MAP2K1: variants seen among roughly 807,000 people sequenced by gnomAD.
The protein encoded by MAP2K1 is mitogen-activated protein kinase kinase 1, also known as dual specificity mitogen-activated protein kinase kinase 1.
In MAP2K1, 16 loss-of-function variants were observed where a neutral mutation model predicts 46.3. The ratio of observed to expected loss-of-function variants is 0.35; its 90% confidence interval spans 0.23 to 0.52. The LOEUF (loss-of-function observed/expected upper bound fraction) is 0.52, where lower values mean the gene tolerates loss of function less well. MAP2K1 is among the 20% of genes least tolerant of loss of function. The pLI is 0.94. For synonymous variants in MAP2K1, 183 were observed against 185.6 expected (o/e 0.99, Z 0.11); for missense variants, 263 against 497.1 (o/e 0.53, Z 4.48).
intron 5 of MAP2K1, among the ~76,000 whole-genome samples, chr15:66,477,652 C>T (rs985934274): frequency 2.0e-5 from 3 of 152,190 alleles, no homozygotes; most frequent in African/African-American, 7.2e-5. Context: ...TCTCACTAGC[C>T]AGTGCTGCTC....
chr15:66,443,192 T>G (rs1321173132), intron 3 of MAP2K1, 88 bp from the exon 4 acceptor site: 8 of 781,510 alleles, frequency 1.0e-5, no homozygotes, highest in East Asian at 3.2e-5. Context: ...GTTCATGCCA[T>G]TCTCCTGCCT....
At chr15:66,443,232 G>A (rs1171819259) in intron 3 of MAP2K1, 48 bp from the exon 4 acceptor site, 14 of 1,228,230 alleles carry the variant, frequency 1.1e-5, no homozygotes, top group Non-Finnish European at 1.7e-5. Context: ...TCACTTGAAA[G>A]AATAGTTAGA....
At chr15:66,461,829 C>T (rs1433665616) in intron 5 of MAP2K1, among the ~76,000 whole-genome samples, 2 of 152,116 alleles carry the variant, frequency 1.3e-5, no homozygotes, top group African/African-American at 2.4e-5. Context: ...TCCTTCTAGC[C>T]TGGCTGTTGG....
At chr15:66,404,142 C>G (rs1264586203) in intron 1 of MAP2K1, among the ~76,000 whole-genome samples, 1 of 152,164 alleles carries the variant, frequency 6.6e-6, no homozygotes, top group Non-Finnish European at 1.5e-5. Flanking sequence ...TTTGCGTCCA[C>G]TGATAAAACT....
chr15:66,449,276 T>A (rs1051352947), intron 5 of MAP2K1, among the ~76,000 whole-genome samples: 4 of 152,208 alleles, frequency 2.6e-5, no homozygotes, highest in African/African-American at 9.6e-5. Context: ...ATTCAAACAA[T>A]GGAGTACAAC....
chr15:66,440,514 T>C (rs1371177754), intron 3 of MAP2K1, among the ~76,000 whole-genome samples: 1 of 152,218 alleles, frequency 6.6e-6, no homozygotes, highest in African/African-American at 2.4e-5. Context: ...CCAGTCTGAA[T>C]TTTGAGACCC....
chr15:66,463,775 C>G (rs1008482689), intron 5 of MAP2K1, among the ~76,000 whole-genome samples: 2 of 152,178 alleles, frequency 1.3e-5, no homozygotes, highest in Admixed American at 1.3e-4. Flanking sequence ...TGAGCCACCA[C>G]GCCTGGCCAG....
intron 1 of MAP2K1, among the ~76,000 whole-genome samples, chr15:66,420,765 GTGTA>G (rs1567003033): frequency 0.021 from 705 of 34,032 alleles, 127 homozygotes; most frequent in East Asian, 0.14. Flanking sequence ...GTGTGTATGT[GTGTA>G]TATATATGTG....
chr15:66,460,785 G>T (rs1885043682), intron 5 of MAP2K1, among the ~76,000 whole-genome samples: 1 of 152,122 alleles, frequency 6.6e-6, no homozygotes, highest in Non-Finnish European at 1.5e-5. Flanking sequence ...TCTGAGTTAG[G>T]ATAGTGGCAG....
At chr15:66,388,496 T>C (rs2093348414) in intron 1 of MAP2K1, among the ~76,000 whole-genome samples, 1 of 152,226 alleles carries the variant, frequency 6.6e-6, no homozygotes, top group Admixed American at 6.5e-5. Context: ...GACCTTATGC[T>C]CTTTGGTGAT....
intron 5 of MAP2K1, among the ~76,000 whole-genome samples, chr15:66,472,121 G>T (rs1443421702): frequency 6.7e-6 from 1 of 148,368 alleles, no homozygotes; most frequent in East Asian, 2.0e-4. Context: ...TGGCCAACAT[G>T]GCGAAACCCC....
At chr15:66,457,380 A>T (rs1019225581) in intron 5 of MAP2K1, among the ~76,000 whole-genome samples, 1 of 152,180 alleles carries the variant, frequency 6.6e-6, no homozygotes, top group African/African-American at 2.4e-5. Context: ...TTGGCTTCCC[A>T]AAGTGCTGGG....
chr15:66,392,560 T>TC (rs929525725), intron 1 of MAP2K1, among the ~76,000 whole-genome samples: 7 of 150,224 alleles, frequency 4.7e-5, no homozygotes, highest in Non-Finnish European at 1.0e-4. Context: ...TTTTCTTTTT[T>TC]TTTTTTTTTT....
intron 5 of MAP2K1, among the ~76,000 whole-genome samples, chr15:66,448,993 G>A (rs1417824822): frequency 1.0e-5 from 1 of 96,274 alleles, no homozygotes; most frequent in African/African-American, 4.2e-5. Context: ...AACAGTGTGA[G>A]ACACTGTCTC....
chr15:66,471,492 A>G (rs542187506), intron 5 of MAP2K1, among the ~76,000 whole-genome samples: 1 of 152,244 alleles, frequency 6.6e-6, no homozygotes, highest in South Asian at 2.1e-4. Context: ...TAGGATTCAA[A>G]CCCAGATCTG....
intron 5 of MAP2K1, among the ~76,000 whole-genome samples, chr15:66,452,375 A>G (rs1193805503): frequency 6.6e-6 from 1 of 150,952 alleles, no homozygotes; most frequent in African/African-American, 2.4e-5. Flanking sequence ...TCTTCTTTCT[A>G]CTGACAAGAA....
intron 1 of MAP2K1, among the ~76,000 whole-genome samples, chr15:66,420,104 C>T (rs2093434148): frequency 6.6e-6 from 1 of 151,778 alleles, no homozygotes; most frequent in South Asian, 2.1e-4. Context: ...ATTAGCTGGG[C>T]ATGGTGGTGG....
intron 1 of MAP2K1, among the ~76,000 whole-genome samples, chr15:66,389,596 T>G (rs376808983): frequency 3.4e-5 from 4 of 119,300 alleles, no homozygotes; most frequent in Non-Finnish European, 5.4e-5. Context: ...TTTTTTTTTT[T>G]GACAGTCTCG....
chr15:66,455,885 T>A (rs1270957016), intron 5 of MAP2K1, among the ~76,000 whole-genome samples: 1 of 152,192 alleles, frequency 6.6e-6, no homozygotes, highest in Non-Finnish European at 1.5e-5. Flanking sequence ...CTATTTCCCC[T>A]GGGTGTTCAA....
Sources: gnomAD v4.1 joint callset for allele counts (sites outside exome capture counted in the v4.1 genomes callset) on GRCh38, gnomAD v4.1.1 for gene constraint, MANE v1.5 for transcripts, NCBI Gene and HGNC (gene_info 2026-07-23, HGNC 2026-07-21) for gene names.